The following LRRIQ3 variants were observed in gnomAD, a reference collection of about 807,000 sequenced individuals.
LRRIQ3 encodes leucine rich repeats and IQ motif containing 3.
In LRRIQ3, 75 loss-of-function variants were observed where a neutral mutation model predicts 59.3. The ratio of observed to expected loss-of-function variants is 1.26; its 90% CI spans 1.05 to 1.53. The LOEUF is 1.53. Among genes scored for constraint, LRRIQ3 ranks in the 40% most tolerant of loss-of-function variants. LRRIQ3 has a pLI of 0.00. For synonymous variants in LRRIQ3, 250 were observed against 231.3 expected, an observed-to-expected ratio of 1.08 and a Z score of -0.73; for missense variants, 831 against 710.0, an observed-to-expected ratio of 1.17 and a Z score of -1.94.
At chr1:74,176,054 C>G (rs1649618934) in intron 3 of LRRIQ3, among the ~76,000 whole-genome samples, 1 of 152,018 alleles carries the variant, frequency 6.6e-6, no homozygotes, top group Non-Finnish European at 1.5e-5. Context: ...TTTTGCTTAC[C>G]ATGTTCTTTC....
At chr1:74,161,189 C>T (rs982367302) in intron 3 of LRRIQ3, among the ~76,000 whole-genome samples, 4 of 151,884 alleles carry the variant, frequency 2.6e-5, no homozygotes, top group Non-Finnish European at 5.9e-5. Context: ...TCTGGGGCCT[C>T]TTTACAAAGA....
chr1:74,158,953 GC>G (rs1187304234), intron 3 of LRRIQ3, among the ~76,000 whole-genome samples: 1 of 151,942 alleles, frequency 6.6e-6, no homozygotes, highest in Non-Finnish European at 1.5e-5. Context: ...CCCACCATCA[GC>G]CCCAGCCAGC....
chr1:74,165,790 A>T (rs1648944200), intron 3 of LRRIQ3, among the ~76,000 whole-genome samples: 1 of 151,604 alleles, frequency 6.6e-6, no homozygotes, highest in Admixed American at 6.6e-5. Context: ...TCACAAATAG[A>T]TGTTGAAATT....
At chr1:74,193,068 A>G (rs976445504) in intron 1 of LRRIQ3, among the ~76,000 whole-genome samples, 2 of 152,162 alleles carry the variant, frequency 1.3e-5, no homozygotes, top group African/African-American at 2.4e-5. Flanking sequence ...CAATTGATAT[A>G]TCCTCCTCTA....
intron 4 of LRRIQ3, among the ~76,000 whole-genome samples, chr1:74,124,226 T>A (rs145738820): frequency 1.6e-3 from 243 of 152,106 alleles, no homozygotes; most frequent in African/African-American, 5.6e-3. Context: ...GATTTTTTCC[T>A]ATAGAGTTGT....
At chr1:74,183,051 A>T (rs955269174) in intron 2 of LRRIQ3, 190 bp from the exon 3 acceptor site, 2 of 386,362 alleles carry the variant, frequency 5.2e-6, no homozygotes, top group South Asian at 7.3e-5. Flanking sequence ...GGTATCTGAG[A>T]TAATTTATTA....
In LRRIQ3 at chr1:74,154,240, C is replaced by CAA. The variant is rs71078186; in HGVS notation, c.707+1491_707+1492dup. Among the ~76,000 whole-genome samples the CAA allele has an allele frequency of 9.5e-3, 543 of 57,266 alleles. 65 individuals are homozygous for CAA. The highest frequency in any genetic ancestry group is 0.013 in the African/African-American group (175 of 13,724). 37.6% of individuals were successfully genotyped at this position (57,266 alleles called of 152,430 possible). ...TGGGCGACAGAGCGAGACTCCTTCT[C>CAA]AAAAAAAAAAAAAAAAAAAAAAAAA... is the stretch of plus-strand genomic sequence containing the variant. On this transcript the variant is annotated intron_variant, in intron 4 of 7. Transcript: ENST00000354431.
chr1:74,180,802 T>C, intron 3 of LRRIQ3: 1 of 1,549,242 alleles, frequency 6.5e-7, no homozygotes. Context: ...TTTTTCCACA[T>C]CCAAGGAAAC....
chr1:74,166,218 A>C (rs1648980846), intron 3 of LRRIQ3, among the ~76,000 whole-genome samples: 1 of 151,680 alleles, frequency 6.6e-6, no homozygotes, highest in South Asian at 2.1e-4. Flanking sequence ...TAAAACTATG[A>C]AATCAATTTC....
At chr1:74,036,436 A>C (rs566475792) in intron 7 of LRRIQ3, among the ~76,000 whole-genome samples, 16 of 152,278 alleles carry the variant, frequency 1.1e-4, no homozygotes, top group African/African-American at 3.8e-4. Context: ...TCTTCATCAA[A>C]TCTAAGCATA....
At chr1:74,035,903 A>G (rs1001660939) in intron 7 of LRRIQ3, among the ~76,000 whole-genome samples, 1 of 152,020 alleles carries the variant, frequency 6.6e-6, no homozygotes, top group Non-Finnish European at 1.5e-5. Context: ...TCTCTACTAT[A>G]ATGGTCTCCT....
chr1:74,084,984 C>T (rs1049587088), intron 5 of LRRIQ3, among the ~76,000 whole-genome samples: 1 of 151,578 alleles, frequency 6.6e-6, no homozygotes, highest in African/African-American at 2.4e-5. Flanking sequence ...TCAAGAAAAT[C>T]AGTTTTATTT....
Position 74,182,386 on chromosome 1 carries a change from A to C in LRRIQ3, c.573+152T>G, listed in dbSNP as rs1650033362. On this transcript the variant is annotated intron_variant, in intron 3 of 7. Transcript: ENST00000354431. ...AAACTTTTATCAAGTTTCAGATAGAAAGACATTACAAATATATTCATTGGT... is the reference window on the plus strand; with the variant it reads ...AAACTTTTATCAAGTTTCAGATAGACAGACATTACAAATATATTCATTGGT... 7.3e-6 allele frequency: 3 copies of C among 411,038 alleles called. No homozygotes were observed. In the Admixed American group the frequency reaches 1.3e-4, roughly 17 times the overall value. 25.5% of individuals were successfully genotyped at this position (411,038 alleles called of 1,614,324 possible).
intron 7 of LRRIQ3, among the ~76,000 whole-genome samples, chr1:74,029,854 A>T (rs1428980574): frequency 6.6e-6 from 1 of 151,940 alleles, no homozygotes; most frequent in African/African-American, 2.4e-5. Context: ...GGTAAGCTAT[A>T]AACTATTGCC....
At chr1:74,053,540 G>A (rs1228339763) in intron 6 of LRRIQ3, among the ~76,000 whole-genome samples, 2 of 152,028 alleles carry the variant, frequency 1.3e-5, no homozygotes, top group African/African-American at 4.8e-5. Context: ...GAAAAAATGA[G>A]CAAGGGGCTG....
intron 3 of LRRIQ3, among the ~76,000 whole-genome samples, chr1:74,168,142 C>G (rs1454185129): frequency 6.6e-6 from 1 of 151,988 alleles, no homozygotes; most frequent in Non-Finnish European, 1.5e-5. Flanking sequence ...ATCCTAATTT[C>G]ATATCTAGTT....
chr1:74,135,449 TC>T (rs1647105524), intron 4 of LRRIQ3, among the ~76,000 whole-genome samples: 1 of 151,930 alleles, frequency 6.6e-6, no homozygotes, highest in Non-Finnish European at 1.5e-5. Flanking sequence ...GAATGAAATT[TC>T]TTCTCAATCA....
At chr1:74,174,228 GTC>G (rs968159416) in intron 3 of LRRIQ3, among the ~76,000 whole-genome samples, 1 of 148,992 alleles carries the variant, frequency 6.7e-6, no homozygotes, top group Non-Finnish European at 1.5e-5. Context: ...TTTTCTTTTC[GTC>G]TCTCTGACTG....
In LRRIQ3 at chr1:74,171,654, A is replaced by G. The variant is rs1287954739; in HGVS notation, c.573+10884T>C. On this transcript the variant is annotated intron_variant, in intron 3 of 7. Transcript: ENST00000354431. ...TTGGTAGCAGTGTAATGCTGGACTT[A>G]TAACATGAGTTTAGAAGTGTTCGCT... 2.0e-5 allele frequency among the ~76,000 whole-genome samples: 3 copies of G among 152,178 alleles called. No individual in the cohort carries two copies. In the East Asian group the frequency reaches 5.8e-4, roughly 29 times the overall value.
Sources: gnomAD v4.1 joint callset for allele counts (sites outside exome capture counted in the v4.1 genomes callset) on GRCh38, gnomAD v4.1.1 for gene constraint, MANE v1.5 for transcripts, NCBI Gene and HGNC (gene_info 2026-07-23, HGNC 2026-07-21) for gene names.